SPAG9: variants seen among roughly 807,000 people sequenced by gnomAD.
SPAG9 encodes sperm associated antigen 9.
Under a neutral mutation model 166.5 loss-of-function variants are expected in SPAG9, and 35 were observed. The ratio of observed to expected loss-of-function variants is 0.21; its 90% CI spans 0.16 to 0.28. The LOEUF is 0.28. Among genes scored for constraint, SPAG9 ranks in the 10% least tolerant of loss-of-function variants. The probability of loss-of-function intolerance (pLI) is 1.00; values close to 1 mark genes in which losing one functional copy is unlikely to be tolerated. For missense variants in SPAG9, 1,235 were observed against 1,603.3 expected, an observed-to-expected ratio of 0.77 and a Z score of 3.92; for synonymous variants, 534 against 565.5, an observed-to-expected ratio of 0.94 and a Z score of 0.79.
chr17:51,052,364 A>G (rs1327683227), intron 3 of SPAG9, among the ~76,000 whole-genome samples: 1 of 152,210 alleles, frequency 6.6e-6, no homozygotes, highest in Non-Finnish European at 1.5e-5. Context: ...ATTGTGGGCT[A>G]GAGCAGAACA....
At chr17:51,003,893 C>T (rs776620037) in intron 12 of SPAG9, among the ~76,000 whole-genome samples, 7 of 152,210 alleles carry the variant, frequency 4.6e-5, no homozygotes, top group Non-Finnish European at 7.3e-5. Flanking sequence ...GAGACTTCTA[C>T]TGTAATGTTT....
intron 2 of SPAG9, among the ~76,000 whole-genome samples, chr17:51,077,620 T>C (rs1021840886): frequency 6.6e-6 from 1 of 152,070 alleles, no homozygotes; most frequent in Non-Finnish European, 1.5e-5. Flanking sequence ...GGATGCCCTG[T>C]GGAGTCCATC....
In SPAG9 at chr17:50,993,906, T is replaced by C. The variant is rs1285395409; in HGVS notation, c.2256A>G (p.Glu752=). ...KEQQKELKNQ[E]ELSSLVWICT... is the part of the protein sequence containing the mutation. ...AGATCCAAACTAGACTGGATAATTC[T>C]TCTTGATTTTTTAACTCCTTCTGCT... Residue 752 remains glutamate (E), a synonymous_variant, in exon 19 of 30, where the codon GAA becomes GAG. Transcript: ENST00000262013. 1.2e-6 allele frequency: 2 copies of C among 1,614,028 alleles called. No individual in the cohort carries two copies. Among genetic ancestry groups the C allele is most frequent in the Non-Finnish European group, 1.7e-6 (2 of 1,180,002 alleles).
chr17:51,094,700 CAT>C (rs2048562690), intron 1 of SPAG9, among the ~76,000 whole-genome samples: 1 of 152,146 alleles, frequency 6.6e-6, no homozygotes, highest in Non-Finnish European at 1.5e-5. Context: ...CAGGTTGTCT[CAT>C]ATATGTTTTT....
intron 3 of SPAG9, among the ~76,000 whole-genome samples, chr17:51,053,903 CAT>C (rs1225165088): frequency 1.7e-4 from 9 of 53,284 alleles, no homozygotes; most frequent in South Asian, 6.8e-4. Flanking sequence ...ATATATAAAA[CAT>C]ATATGTATTT....
At chr17:51,076,668 G>A (rs1460624352) in intron 2 of SPAG9, among the ~76,000 whole-genome samples, 12 of 151,706 alleles carry the variant, frequency 7.9e-5, no homozygotes, top group African/African-American at 2.9e-4. Context: ...CCCAGGGGGC[G>A]GAGGTTGCAG....
Position 50,985,005 on chromosome 17 carries a change from G to C in SPAG9, c.3021-15C>G. On this transcript the variant is annotated splice_polypyrimidine_tract_variant and intron_variant, in intron 23 of 29. Coordinates refer to ENST00000262013, the MANE Select transcript of SPAG9 (RefSeq NM_001130528.3). ...CCTTCACGTGTCTGCAAACAGGAAA[G>C]GGGAGTTCAGAACTCTCCATTCAGG... 6.2e-7 allele frequency: 1 copy of C among 1,613,300 alleles called. No homozygotes were observed. The highest frequency in any genetic ancestry group is 8.5e-7 in the Non-Finnish European group (1 of 1,179,274).
intron 1 of SPAG9, among the ~76,000 whole-genome samples, chr17:51,115,975 A>G (rs1021159398): frequency 3.3e-5 from 5 of 152,222 alleles, no homozygotes; most frequent in Non-Finnish European, 7.3e-5. Context: ...AAAGACCCAC[A>G]GAATCACTAA....
rs554953534 is a variant in SPAG9 at position 50,995,880 on chromosome 17, G to C, written c.1969-347C>G. On this transcript the variant is annotated intron_variant, in intron 16 of 29. Coordinates refer to ENST00000262013, the MANE Select transcript of SPAG9 (RefSeq NM_001130528.3). ...AGGTCATGCTATGTTGCCTAGGCTG[G>C]TCTCAAACTCCCTGAGCTCAAGCCA... The C allele has an allele frequency of 9.3e-5, 17 of 183,460 alleles. 1 individual carries two copies. The South Asian group carries it at 2.3e-3, about 25-fold the overall frequency. 11.4% of individuals were successfully genotyped at this position (183,460 alleles called of 1,614,324 possible). A position where few individuals can be genotyped will look rare whatever the true frequency, so the allele number is the denominator to read the frequency against.
At chr17:51,003,339 G>T (rs1382107251) in intron 12 of SPAG9, among the ~76,000 whole-genome samples, 1 of 152,094 alleles carries the variant, frequency 6.6e-6, no homozygotes, top group Non-Finnish European at 1.5e-5. Context: ...ATACACTATT[G>T]TAAGTTTCAC....
intron 5 of SPAG9, among the ~76,000 whole-genome samples, chr17:51,039,215 T>C (rs747267192): frequency 1.3e-5 from 2 of 152,218 alleles, no homozygotes; most frequent in Non-Finnish European, 2.9e-5. Context: ...CTAAGATGGC[T>C]AGGTCATCCT....
At chr17:50,997,506 T>A (rs2044731441) in intron 15 of SPAG9, among the ~76,000 whole-genome samples, 1 of 152,234 alleles carries the variant, frequency 6.6e-6, no homozygotes, top group African/African-American at 2.4e-5. Flanking sequence ...GCAAACTGAT[T>A]TGGTAAACTT....
chr17:51,037,517 G>A (rs1161137409), intron 5 of SPAG9, among the ~76,000 whole-genome samples: 1 of 150,870 alleles, frequency 6.6e-6, no homozygotes, highest in African/African-American at 2.4e-5. Flanking sequence ...GAAGGCTGAG[G>A]CAGGAGAATC....
chr17:51,023,280 A>C (rs2046017300), intron 6 of SPAG9: 1 of 150,164 alleles, frequency 6.7e-6, no homozygotes, highest in Non-Finnish European at 1.5e-5. Flanking sequence ...TATAATACAT[A>C]ATTATATATT....
chr17:51,057,240 G>GTGGTGAGGCAGAGGGTC (rs2047386975), intron 2 of SPAG9, among the ~76,000 whole-genome samples: 1 of 152,014 alleles, frequency 6.6e-6, no homozygotes, highest in Admixed American at 6.5e-5. Context: ...GGCAGAGGGT[G>GTGGTGAGGCAGAGGGTC]GTGGTGAGGC....
chr17:50,969,244 T>C (rs1365907029), intron 29 of SPAG9, among the ~76,000 whole-genome samples: 2 of 151,980 alleles, frequency 1.3e-5, no homozygotes, highest in Non-Finnish European at 2.9e-5. Context: ...AGAGGACCTG[T>C]ATATTCAGAA....
intron 2 of SPAG9, among the ~76,000 whole-genome samples, chr17:51,074,092 C>T (rs950637479): frequency 2.0e-5 from 3 of 152,120 alleles, no homozygotes; most frequent in South Asian, 2.1e-4. Context: ...AAAAATAAGC[C>T]GGGCGTGGTG....
chr17:51,048,914 A>G (rs2047105524), intron 3 of SPAG9, among the ~76,000 whole-genome samples: 1 of 152,166 alleles, frequency 6.6e-6, no homozygotes, highest in Non-Finnish European at 1.5e-5. Context: ...TTTTACCACC[A>G]TTTACACAAC....
intron 2 of SPAG9, among the ~76,000 whole-genome samples, chr17:51,068,799 A>C (rs377196345): frequency 3.3e-5 from 5 of 152,194 alleles, no homozygotes; most frequent in African/African-American, 1.2e-4. Flanking sequence ...TAATTTTCTG[A>C]TACCTTTAGT....
Sources: allele counts gnomAD v4.1 joint callset (sites outside exome capture counted in the v4.1 genomes callset), GRCh38; gene constraint gnomAD v4.1.1; transcripts MANE v1.5; gene names NCBI Gene and HGNC (gene_info 2026-07-23, HGNC 2026-07-21).